Variants in TFAM observed in about 807,000 individuals in gnomAD.
TFAM encodes transcription factor A, mitochondrial.
A neutral mutation model predicts 30.6 loss-of-function variants in TFAM; 13 were observed. The observed-to-expected ratio is 0.42, with a 90% CI of 0.28 to 0.67. The LOEUF is 0.67. Ranked by LOEUF, TFAM falls within the 30% of genes least tolerant of loss-of-function variation. TFAM has a pLI of 0.21. For synonymous variants in TFAM, 106 were observed against 94.8 expected (o/e 1.12, Z -0.69); for missense variants, 231 against 293.7 (o/e 0.79, Z 1.56).
chr10:58,388,390 T>C, intron 3 of TFAM, 130 bp downstream of exon 3: 2 of 828,958 alleles, frequency 2.4e-6, no homozygotes, highest in South Asian at 3.0e-5. Context: ...AAACTTTATG[T>C]CTTCTCATCT....
chr10:58,388,295 T>G lies in TFAM; in HGVS notation c.291+35T>G, dbSNP rs1010459469. 14 of 1,562,550 alleles carry G rather than the reference T, an allele frequency of 9.0e-6. No individual in the cohort carries two copies. The African/African-American group carries it at 1.9e-4, about 21-fold the overall frequency. On this transcript the variant is annotated intron_variant, in intron 3 of 6. Coordinates refer to ENST00000487519, the MANE Select transcript of TFAM (RefSeq NM_003201.3). The stretch of plus-strand genomic sequence containing the variant: ...TAAGTTTTCAACATTGCTGACCAGT[T>G]ATTCTGCAGTTAGGAGCAATTGTCA...
intron 4 of TFAM, among the ~76,000 whole-genome samples, chr10:58,390,409 A>C (rs1422560960): frequency 6.6e-6 from 1 of 152,208 alleles, no homozygotes; most frequent in Non-Finnish European, 1.5e-5. Flanking sequence ...GGAAGCATGC[A>C]GTGATTTGGT....
rs780218379 is a variant in TFAM, at chr10:58,386,224, G to A, written c.106G>A (p.Val36Met). Residue 36 changes from valine to methionine, a missense_variant, in exon 2 of 7, where the codon GTG (valine) becomes ATG (methionine). Coordinates refer to ENST00000487519, the MANE Select transcript of TFAM (RefSeq NM_003201.3). The stretch of plus-strand genomic sequence containing the variant: ...TTTCTTTTTGTTTATATGTAGTTTT[G>A]TGTATTTACCGAGGTGGTTTTCATC... ...GSRLRSPFSFVYLPRWFSSVL... is the reference protein window; with the variant it reads ...GSRLRSPFSFMYLPRWFSSVL... 5 of 1,602,782 alleles carry A rather than the reference G, an allele frequency of 3.1e-6. No individual in the cohort carries two copies. In the East Asian group the frequency reaches 1.1e-4, roughly 36 times the overall value.
rs763770796 is a variant in TFAM, at chr10:58,394,914, A to G, written c.595-14A>G. ...AAATAAGTAAATCATTTTAACAGTTATGCTTTTTCTCAGTTATATATTCAG... is the reference window on the plus strand; with the variant it reads ...AAATAAGTAAATCATTTTAACAGTTGTGCTTTTTCTCAGTTATATATTCAG... On this transcript the variant is annotated splice_polypyrimidine_tract_variant and intron_variant, in intron 6 of 6. Coordinates refer to ENST00000487519, the MANE Select transcript of TFAM (RefSeq NM_003201.3). 9 of 1,608,734 alleles carry G rather than the reference A, an allele frequency of 5.6e-6. No homozygotes were observed. The highest frequency in any genetic ancestry group is 3.3e-5 in the Admixed American group (2 of 59,772).
chr10:58,388,339 A>C, intron 3 of TFAM, 79 bp downstream of exon 3: 1 of 1,208,752 alleles, frequency 8.3e-7, no homozygotes, highest in South Asian at 1.2e-5. Flanking sequence ...AAAGGACCAG[A>C]TGGATCAGAC....
intron 5 of TFAM, among the ~76,000 whole-genome samples, chr10:58,392,906 A>G (rs1007255176): frequency 2.0e-5 from 3 of 151,872 alleles, no homozygotes; most frequent in Non-Finnish European, 4.4e-5. Context: ...TGAACTCCTG[A>G]GCTCAGGTGA....
At chr10:58,392,829 C>G (rs570064978) in intron 5 of TFAM, among the ~76,000 whole-genome samples, 20 of 152,154 alleles carry the variant, frequency 1.3e-4, no homozygotes, top group Middle Eastern at 3.4e-3. Context: ...CATGTGCCAC[C>G]AAGCCTGGCT....
intron 2 of TFAM, chr10:58,386,606 C>T: frequency 8.2e-7 from 1 of 1,212,702 alleles, no homozygotes; most frequent in Non-Finnish European, 1.0e-6. Context: ...GCCTTGTTGC[C>T]TTTGGTCTAG....
Position 58,385,602 on chromosome 10 carries a change from G to A in TFAM, c.55G>A (p.Ala19Thr). 6.4e-7 allele frequency: 1 copy of A among 1,568,212 alleles called. No homozygotes were observed. Among genetic ancestry groups the A allele is most frequent in the Non-Finnish European group, 8.7e-7 (1 of 1,156,054 alleles). ...GVLSALGRSGAELCTGCGSRL... is the reference protein window; with the variant it reads ...GVLSALGRSGTELCTGCGSRL... ...GCTGAGTGCCCTGGGAAGGTCTGGA[G>A]CAGAGCTGTGCACCGGCTGTGGAAG... Residue 19 changes from alanine to threonine, a missense_variant, in exon 1 of 7, where the codon GCA becomes ACA. Transcript: ENST00000487519.
At chr10:58,391,820 T>C (rs1407078110) in intron 5 of TFAM, among the ~76,000 whole-genome samples, 1 of 151,898 alleles carries the variant, frequency 6.6e-6, no homozygotes, top group African/African-American at 2.4e-5. Context: ...AATAGTATTA[T>C]GATTATGTAA....
In TFAM at chr10:58,395,074, A is replaced by C. The variant is rs1202462610; in HGVS notation, c.741A>C (p.Ter247TyrextTer2). The change falls in exon 7 of 7, where the codon TAA becomes TAC. Residue 247 changes from the stop codon to tyrosine, a stop_lost. Transcript: ENST00000487519. The part of the protein sequence containing the change: ...KQRKYGAEEC[*>Y] ...GAAAATATGGTGCTGAGGAGTGTTAAAAGTAGAAGATTGAGATGTGTTCAC... is the reference window on the plus strand; with the variant it reads ...GAAAATATGGTGCTGAGGAGTGTTACAAGTAGAAGATTGAGATGTGTTCAC... 6.2e-7 allele frequency: 1 copy of C among 1,613,218 alleles called. No homozygotes were observed. The highest frequency in any genetic ancestry group is 8.5e-7 in the Non-Finnish European group (1 of 1,179,494).
intron 4 of TFAM, among the ~76,000 whole-genome samples, chr10:58,390,173 T>C (rs1364183386): frequency 1.3e-5 from 2 of 152,244 alleles, no homozygotes; most frequent in African/African-American, 4.8e-5. Flanking sequence ...TACTACTTAC[T>C]ATCCAAATTC....
chr10:58,395,903 A>G lies in TFAM; in HGVS notation c.*829A>G. The G allele has an allele frequency of 4.6e-6, 1 of 217,344 alleles. No homozygotes were observed. Among genetic ancestry groups the G allele is most frequent in the Admixed American group, 5.8e-5 (1 of 17,232 alleles). The allele number at this position is 217,344 out of a possible 1,614,324, so 13.5% of individuals were successfully genotyped here. A position where few individuals can be genotyped will look rare whatever the true frequency, so the allele number is the denominator to read the frequency against. ...TGTTTTAAAATGAGAAATCTAAAAA[A>G]CGAAAAGTCTCCAAAGTCTCTGGAA... On this transcript the variant is annotated 3_prime_UTR_variant, in exon 7 of 7. Transcript: ENST00000487519.
chr10:58,386,734 G>C lies in TFAM; in HGVS notation c.220+396G>C, dbSNP rs571957746. On this transcript the variant is annotated intron_variant, in intron 2 of 6. Transcript: ENST00000487519. ...CATAAACTGTAAGTTCTGTAGAACT[G>C]TAAAGTTCTATGCAATTTACTGCTA... 44 of 1,056,344 alleles carry C rather than the reference G, an allele frequency of 4.2e-5. No homozygotes were observed. The East Asian group carries it at 1.9e-3, about 46-fold the overall frequency. 65.4% of individuals were successfully genotyped at this position (1,056,344 alleles called of 1,614,324 possible). A position where few individuals can be genotyped will look rare whatever the true frequency, so the allele number is the denominator to read the frequency against.
intron 4 of TFAM, among the ~76,000 whole-genome samples, 194 bp downstream of exon 4, chr10:58,389,013 G>C (rs1055269607): frequency 6.6e-6 from 1 of 152,172 alleles, no homozygotes; most frequent in Non-Finnish European, 1.5e-5. Context: ...CATTGAGTCT[G>C]TTTGGAAATC....
rs988962901 is a variant in TFAM at position 58,398,505 on chromosome 10, G to A, written c.*3431G>A. 6 of 152,016 alleles carry A rather than the reference G, an allele frequency of 3.9e-5. No individual in the cohort carries two copies. The highest frequency in any genetic ancestry group is 3.3e-4 in the Admixed American group (5 of 15,266). The allele number at this position is 152,016 out of a possible 1,614,324, so 9.4% of individuals were successfully genotyped here. A position where few individuals can be genotyped will look rare whatever the true frequency, so the allele number is the denominator to read the frequency against. On this transcript the variant is annotated 3_prime_UTR_variant, in exon 7 of 7. Coordinates refer to ENST00000487519, the MANE Select transcript of TFAM (RefSeq NM_003201.3). ...CAGCTTGCTGTAATTCTGTAATTAC[G>A]CTATTGCGTTTGGCTAACTCCTTTT... is the stretch of plus-strand genomic sequence containing the variant.
intron 6 of TFAM, 69 bp downstream of exon 6, chr10:58,394,483 G>C (rs185923860): frequency 1.1e-5 from 14 of 1,309,000 alleles, no homozygotes; most frequent in South Asian, 5.9e-5. Context: ...TTAGGGCAAG[G>C]CTTGATTCAT....
At position 58,395,091 on chromosome 10, in the gene TFAM, T is replaced by C; in HGVS notation, c.*17T>C. On this transcript the variant is annotated 3_prime_UTR_variant, in exon 7 of 7. Coordinates refer to ENST00000487519, the MANE Select transcript of TFAM (RefSeq NM_003201.3). ...GAGTGTTAAAAGTAGAAGATTGAGA[T>C]GTGTTCACAATGGATAGGCACAGGA... The C allele has an allele frequency of 6.2e-7, 1 of 1,612,604 alleles. No individual in the cohort carries two copies. Among genetic ancestry groups the C allele is most frequent in the Non-Finnish European group, 8.5e-7 (1 of 1,178,974 alleles).
At chr10:58,390,327 G>T (rs1449245895) in intron 4 of TFAM, among the ~76,000 whole-genome samples, 13 of 152,274 alleles carry the variant, frequency 8.5e-5, no homozygotes, top group Non-Finnish European at 1.8e-4. Flanking sequence ...AGCTTTAAAG[G>T]TGGAGACATT....
Sources: allele counts gnomAD v4.1 joint callset (sites outside exome capture counted in the v4.1 genomes callset), GRCh38; gene constraint gnomAD v4.1.1; transcripts MANE v1.5; gene names NCBI Gene and HGNC (gene_info 2026-07-23, HGNC 2026-07-21).